Variants in EPS8 observed in about 807,000 individuals in gnomAD.
The protein encoded by EPS8 is epidermal growth factor receptor kinase substrate 8.
A neutral mutation model predicts 103.8 loss-of-function variants in EPS8; 42 were observed. The ratio of observed to expected loss-of-function variants is 0.40; its 90% CI spans 0.32 to 0.52. EPS8 has a LOEUF of 0.52. Among genes scored for constraint, EPS8 ranks in the 20% least tolerant of loss-of-function variants. The pLI is 0.40. For synonymous variants in EPS8, 344 were observed against 344.6 expected (o/e 1.00, Z 0.02); for missense variants, 969 against 1,005.1 (o/e 0.96, Z 0.49).
chr12:15,736,511 T>C lies in EPS8; in HGVS notation c.-22+52650A>G, dbSNP rs1946768290. Among the ~76,000 whole-genome samples the C allele has an allele frequency of 6.6e-6, 1 of 152,240 alleles. No homozygotes were observed. Among genetic ancestry groups the C allele is most frequent in the South Asian group, 2.1e-4 (1 of 4,828 alleles). ...ATAGATGTCACACCCTCTATCTATG[T>C]GCTGAACTTCTGCATTTTACTCACA... On this transcript the variant is annotated intron_variant, in intron 1 of 20. Coordinates refer to ENST00000281172, the MANE Select transcript of EPS8 (RefSeq NM_004447.6). This position sits in a 1 kb window ranked among gnomAD's most constrained non-coding sequence, Gnocchi z 4.2.
Position 15,657,961 on chromosome 12 carries a change from G to T in EPS8, c.1101+118C>A, listed in dbSNP as rs533100223. The T allele has an allele frequency of 2.4e-4, 158 of 657,864 alleles. 1 individual carries two copies. The African/African-American group carries it at 2.6e-3, about 11-fold the overall frequency. 40.8% of individuals were successfully genotyped at this position (657,864 alleles called of 1,614,324 possible). A position where few individuals can be genotyped will look rare whatever the true frequency, so the allele number is the denominator to read the frequency against. ...TACATTCTTGATGTTTACACAAATG[G>T]CAAAGAAATAGTACCCACGCAAGGT... On this transcript the variant is annotated intron_variant, in intron 12 of 20. Transcript: ENST00000281172.
chr12:15,745,357 G>T lies in EPS8; in HGVS notation c.-22+43804C>A, dbSNP rs1484204799. On this transcript the variant is annotated intron_variant, in intron 1 of 20. Transcript: ENST00000281172. The surrounding 1 kb of genome is among the most constrained non-coding windows in gnomAD (Gnocchi z 4.6). Reference sequence around the variant, plus strand: ...CATGACGTTTGTGCGGGCCCTCCCCGTTCCCATAAAAAACATCAATAATTT... The same window carrying T: ...CATGACGTTTGTGCGGGCCCTCCCCTTTCCCATAAAAAACATCAATAATTT... Among the ~76,000 whole-genome samples, 1 of 152,052 alleles carries T rather than the reference G, an allele frequency of 6.6e-6. No homozygotes were observed. The highest frequency in any genetic ancestry group is 1.5e-5 in the Non-Finnish European group (1 of 68,004).
At chr12:15,681,087 TTAAAA>T (rs1356885222) in intron 3 of EPS8, 134 bp downstream of exon 3, 6 of 380,146 alleles carry the variant, frequency 1.6e-5, no homozygotes, top group Non-Finnish European at 2.4e-5. Flanking sequence ...AAACTCTTCT[TTAAAA>T]TAATCCTTAT....
At chr12:15,746,703 A>G (rs559743848) in intron 1 of EPS8, among the ~76,000 whole-genome samples, 5 of 152,256 alleles carry the variant, frequency 3.3e-5, no homozygotes, top group Admixed American at 1.3e-4. Context: ...GAGCAACTCA[A>G]TTTGGTTTCC....
At chr12:15,667,496 T>C (rs1018590149) in intron 6 of EPS8, among the ~76,000 whole-genome samples, 1 of 152,082 alleles carries the variant, frequency 6.6e-6, no homozygotes, top group Non-Finnish European at 1.5e-5. Context: ...TTCTGTTACA[T>C]AGGATACTAA....
intron 17 of EPS8, among the ~76,000 whole-genome samples, chr12:15,635,998 A>G (rs747748941): frequency 6.6e-6 from 1 of 152,200 alleles, no homozygotes; most frequent in Admixed American, 6.5e-5. Context: ...AGACTTCTTT[A>G]GTCAGTCCAT....
In EPS8 at chr12:15,710,717, C is replaced by T. The variant is rs527931915; in HGVS notation, c.-21-27745G>A. Among the ~76,000 whole-genome samples the T allele has an allele frequency of 5.9e-5, 9 of 152,162 alleles. 1 individual carries two copies. The highest frequency in any genetic ancestry group is 4.6e-4 in the Admixed American group (7 of 15,296). On this transcript the variant is annotated intron_variant, in intron 1 of 20. Transcript: ENST00000281172. ...AATTAAACAAGTCAAAACAAATACA[C>T]AAACAAACTCTAAAAAAAAGGAAAT...
rs1368395512 is a variant in EPS8 at position 15,706,338 on chromosome 12, G to A, written c.-21-23366C>T. On this transcript the variant is annotated intron_variant, in intron 1 of 20. Coordinates refer to ENST00000281172, the MANE Select transcript of EPS8 (RefSeq NM_004447.6). The surrounding 1 kb of genome is among the most constrained non-coding windows in gnomAD (Gnocchi z 5.2). Reference sequence around the variant, plus strand: ...GCAAGGCGGGAAGCACTGCAGCATTGACAATGCCAAGTTCTTCCTTCCTCG... The same window carrying A: ...GCAAGGCGGGAAGCACTGCAGCATTAACAATGCCAAGTTCTTCCTTCCTCG... 6.6e-6 allele frequency among the ~76,000 whole-genome samples: 1 copy of A among 152,188 alleles called. No homozygotes were observed. Among genetic ancestry groups the A allele is most frequent in the Non-Finnish European group, 1.5e-5 (1 of 68,020 alleles).
At chr12:15,682,173 T>G (rs752662512) in intron 2 of EPS8, among the ~76,000 whole-genome samples, 14 of 151,994 alleles carry the variant, frequency 9.2e-5, no homozygotes, top group Non-Finnish European at 1.8e-4. Context: ...AATAGCACAG[T>G]GTCTGTGGAA....
At chr12:15,768,606 T>G (rs1220255248) in intron 1 of EPS8, among the ~76,000 whole-genome samples, 1 of 152,082 alleles carries the variant, frequency 6.6e-6, no homozygotes, top group Non-Finnish European at 1.5e-5. Context: ...GAAGCCAGTT[T>G]TTTTGAAGGG....
At position 15,751,156 on chromosome 12, in the gene EPS8, G is replaced by A. The variant is rs747937210; in HGVS notation, c.-22+38005C>T. ...GCGGATCACTTGAGGTCAGGAGTTCGAGACCAGCCAGGCCAACATAGTGAA... is the reference window on the plus strand; with the variant it reads ...GCGGATCACTTGAGGTCAGGAGTTCAAGACCAGCCAGGCCAACATAGTGAA... On this transcript the variant is annotated intron_variant, in intron 1 of 20. Transcript: ENST00000281172. This position sits in a 1 kb window ranked among gnomAD's most constrained non-coding sequence, Gnocchi z 4.3. Among the ~76,000 whole-genome samples, 6 of 152,008 alleles carry A rather than the reference G, an allele frequency of 3.9e-5. No homozygotes were observed. The highest frequency in any genetic ancestry group is 1.3e-4 in the Admixed American group (2 of 15,266).
intron 1 of EPS8, chr12:15,732,750 G>T (rs921001609): frequency 2.0e-6 from 2 of 981,370 alleles, no homozygotes; most frequent in Non-Finnish European, 2.4e-6. Flanking sequence ...AAAAGTACTT[G>T]CCAGATTACT....
intron 3 of EPS8, among the ~76,000 whole-genome samples, chr12:15,678,605 TTA>T (rs1945949581): frequency 6.6e-6 from 1 of 152,086 alleles, no homozygotes; most frequent in South Asian, 2.1e-4. Flanking sequence ...TCACTTTGCT[TTA>T]TATGTAAAAG....
chr12:15,647,403 T>C, intron 14 of EPS8, 143 bp from the exon 15 acceptor site: 1 of 669,608 alleles, frequency 1.5e-6, no homozygotes, highest in African/African-American at 1.8e-5. Flanking sequence ...CATTATCAAA[T>C]GGGAGTGACA....
chr12:15,661,132 C>T (rs1295801821), intron 9 of EPS8, among the ~76,000 whole-genome samples: 1 of 152,280 alleles, frequency 6.6e-6, no homozygotes, highest in Non-Finnish European at 1.5e-5. Flanking sequence ...AATATTACTT[C>T]ATGGAATTAA....
At chr12:15,639,807 C>T (rs1945197713) in intron 17 of EPS8, among the ~76,000 whole-genome samples, 1 of 152,172 alleles carries the variant, frequency 6.6e-6, no homozygotes, top group African/African-American at 2.4e-5. Flanking sequence ...TATTTCACTG[C>T]ATATTCTACG....
At position 15,757,238 on chromosome 12, in the gene EPS8, TG is replaced by T. The variant is rs1946995227; in HGVS notation, c.-22+31922del. Among the ~76,000 whole-genome samples, 1 of 152,196 alleles carries T rather than the reference TG, an allele frequency of 6.6e-6. No individual in the cohort carries two copies. The highest frequency in any genetic ancestry group is 1.5e-5 in the Non-Finnish European group (1 of 68,036). ...CTCAAAACAGTGGTGTAGAGTGAAA[TG>T]TTCTTGACAAGAAACTTGGTGGAAG... On this transcript the variant is annotated intron_variant, in intron 1 of 20. Transcript: ENST00000281172. The surrounding 1 kb of genome is among the most constrained non-coding windows in gnomAD (Gnocchi z 4.1).
In EPS8 at chr12:15,759,915, A is replaced by C. The variant is rs1259901137; in HGVS notation, c.-22+29246T>G. 6.6e-6 allele frequency among the ~76,000 whole-genome samples: 1 copy of C among 152,012 alleles called. No homozygotes were observed. On this transcript the variant is annotated intron_variant, in intron 1 of 20. Transcript: ENST00000281172. The surrounding 1 kb of genome is among the most constrained non-coding windows in gnomAD (Gnocchi z 4.9). Reference sequence around the variant, plus strand: ...ATGCATCTTAAAGAACTAGAAAAGCAAGAGCAAACCAAACCCAAAATTCAT... The same window carrying C: ...ATGCATCTTAAAGAACTAGAAAAGCCAGAGCAAACCAAACCCAAAATTCAT...
chr12:15,677,476 A>G (rs1385964805), intron 3 of EPS8, among the ~76,000 whole-genome samples: 3 of 152,198 alleles, frequency 2.0e-5, no homozygotes. Flanking sequence ...GACTGTGGTC[A>G]GTGCGTAAAA....
Sources: gnomAD v4.1 joint callset for allele counts (sites outside exome capture counted in the v4.1 genomes callset) on GRCh38, gnomAD v4.1.1 for gene constraint, Gnocchi (gnomAD v3.1) non-coding constraint, MANE v1.5 for transcripts, NCBI Gene and HGNC (gene_info 2026-07-23, HGNC 2026-07-21) for gene names.